Variants in STARD10 observed in about 807,000 individuals in gnomAD.
STARD10 encodes the protein StAR related lipid transfer domain containing 10, also known as START domain-containing protein 10.
STARD10 carries 24 observed loss-of-function variants against 36.0 expected under a neutral mutation model. The ratio of observed to expected loss-of-function variants is 0.67; its 90% CI spans 0.48 to 0.94. The LOEUF (loss-of-function observed/expected upper bound fraction) is 0.94. Ranked by LOEUF, STARD10 falls within the 40% of genes least tolerant of loss-of-function variation. STARD10 has a pLI of 0.00. For missense variants in STARD10, 335 were observed against 396.6 expected, an observed-to-expected ratio of 0.84 and a Z score of 1.32; for synonymous variants, 156 against 161.9, an observed-to-expected ratio of 0.96 and a Z score of 0.28.
chr11:72,767,626 A>C (rs776996543), intron 2 of STARD10, among the ~76,000 whole-genome samples: 30 of 152,180 alleles, frequency 2.0e-4, no homozygotes, highest in Non-Finnish European at 3.4e-4. Context: ...GGCAAAGCTC[A>C]CAGATTCCTC....
chr11:72,754,987 G>A lies in STARD10; in HGVS notation c.786C>T (p.Asn262=). Residue 262 remains asparagine, a synonymous_variant, in exon 7 of 7, where the codon AAC becomes AAT. Coordinates refer to ENST00000334805, the MANE Select transcript of STARD10 (RefSeq NM_006645.3). Reference sequence around the variant, plus strand: ...TCTCGGCCACCGCGCTCTCGTCGATGTTCTCCAGTGAGTCCGCATGCTGCA... The same window carrying A: ...TCTCGGCCACCGCGCTCTCGTCGATATTCTCCAGTGAGTCCGCATGCTGCA... The part of the protein sequence containing the change: ...LSVQHADSLE[N]IDESAVAESR... The A allele has an allele frequency of 1.1e-5, 17 of 1,612,570 alleles. No homozygotes were observed. Among genetic ancestry groups the A allele is most frequent in the Non-Finnish European group, 1.4e-5 (17 of 1,179,708 alleles).
chr11:72,771,591 G>A (rs1858858137), intron 2 of STARD10, among the ~76,000 whole-genome samples: 1 of 152,126 alleles, frequency 6.6e-6, no homozygotes, highest in African/African-American at 2.4e-5. Context: ...AGCAGACTGA[G>A]CTAGGCCTTC....
At chr11:72,760,712 G>C (rs764042109) in intron 2 of STARD10, among the ~76,000 whole-genome samples, 8 of 152,172 alleles carry the variant, frequency 5.3e-5, no homozygotes, top group Non-Finnish European at 1.0e-4. Flanking sequence ...GTAAGTAGCA[G>C]AGCCAGGATT....
chr11:72,784,017 G>A (rs981128050), intron 1 of STARD10, among the ~76,000 whole-genome samples: 1 of 152,206 alleles, frequency 6.6e-6, no homozygotes, highest in African/African-American at 2.4e-5. Flanking sequence ...CCTAGGTTTA[G>A]GCCAGGCTAC....
chr11:72,792,899 C>G lies in STARD10; in HGVS notation c.-138G>C, dbSNP rs1443770546. On this transcript the variant is annotated 5_prime_UTR_variant, in exon 1 of 7. Transcript: ENST00000334805. The stretch of plus-strand genomic sequence containing the variant: ...CCTGAGAAGCAGGGTCTGTACAGCT[C>G]CAGCAACACTCTCCTCTTCCTCCAG... 2 of 152,932 alleles carry G rather than the reference C, an allele frequency of 1.3e-5. No homozygotes were observed. The highest frequency in any genetic ancestry group is 4.8e-5 in the African/African-American group (2 of 41,452). The allele number at this position is 152,932 out of a possible 1,614,324, so 9.5% of individuals were successfully genotyped here.
rs546449444 is a variant in STARD10, at chr11:72,786,764, G to A, written c.-113-5470C>T. On this transcript the variant is annotated intron_variant, in intron 1 of 6. Coordinates refer to ENST00000334805, the MANE Select transcript of STARD10 (RefSeq NM_006645.3). ...CCACACATGGCACCAAAGTGGAGTT[G>A]CCAGATAAAATACAGGACGACAGCC... is the stretch of plus-strand genomic sequence containing the variant. Among the ~76,000 whole-genome samples, 205 of 152,272 alleles carry A rather than the reference G, an allele frequency of 1.3e-3. 2 individuals carry two copies. The highest frequency in any genetic ancestry group is 6.8e-3 in the Middle Eastern group (2 of 294).
At position 72,755,700 on chromosome 11, in the gene STARD10, C is replaced by T. The variant is rs763200063; in HGVS notation, c.630+1G>A. 6 of 1,613,744 alleles carry T rather than the reference C, an allele frequency of 3.7e-6. No homozygotes were observed. Among genetic ancestry groups the T allele is most frequent in the Non-Finnish European group, 4.2e-6 (5 of 1,179,882 alleles). On this transcript the variant is annotated splice_donor_variant, in intron 6 of 6. Coordinates refer to ENST00000334805, the MANE Select transcript of STARD10 (RefSeq NM_006645.3). LOFTEE classifies it high-confidence loss of function. ...CTCCCCAAAATCCCAAGGCCACTCA[C>T]CTTGGGAGCCAGGAACTGAGAAGAT...
rs143249505 is a variant in STARD10 at position 72,771,999 on chromosome 11, C to T, written c.207+8976G>A. On this transcript the variant is annotated intron_variant, in intron 2 of 6. Coordinates refer to ENST00000334805, the MANE Select transcript of STARD10 (RefSeq NM_006645.3). ...GCTTCCGGGATCACCAGTGGACTGA[C>T]GCCCCCAGAGCTCTCCAGTAAAGTT... 2.0e-4 allele frequency among the ~76,000 whole-genome samples: 31 copies of T among 152,308 alleles called. 1 individual carries two copies. The East Asian group carries it at 4.6e-3, about 23-fold the overall frequency.
rs370482708 is a variant in STARD10 at position 72,759,210 on chromosome 11, G to C, written c.355+24C>G. 3 of 1,612,910 alleles carry C rather than the reference G, an allele frequency of 1.9e-6. No individual in the cohort carries two copies. The Admixed American group carries it at 5.0e-5, about 27-fold the overall frequency. On this transcript the variant is annotated intron_variant, in intron 3 of 6. Transcript: ENST00000334805. ...CCTGGATGGAGGCCAAGGGGACTGG[G>C]ATCAGCGTGCTACGCCTGCTCACAG...
At chr11:72,767,640 C>G (rs1858809834) in intron 2 of STARD10, among the ~76,000 whole-genome samples, 2 of 152,202 alleles carry the variant, frequency 1.3e-5, no homozygotes, top group African/African-American at 4.8e-5. Flanking sequence ...ATTCCTCCTC[C>G]AAACAAAGCT....
rs1858677252 is a variant in STARD10 at position 72,758,559 on chromosome 11, T to C, written c.430A>G (p.Ile144Val). 10 of 1,613,848 alleles carry C rather than the reference T, an allele frequency of 6.2e-6. No individual in the cohort carries two copies. The East Asian group carries it at 2.2e-4, about 36-fold the overall frequency. ...RSWLPMGADY[I>V]IMNYSVKHPK... ...TGTTTGACTGAGTAGTTCATAATGATGTAATCAGCGCCCATGGGGAGCCAG... is the reference window on the plus strand; with the variant it reads ...TGTTTGACTGAGTAGTTCATAATGACGTAATCAGCGCCCATGGGGAGCCAG... Residue 144 changes from isoleucine (I) to valine (V), a missense_variant, in exon 4 of 7, where the codon ATC becomes GTC. Ile to Val is a conservative substitution (Grantham distance 29). Coordinates refer to ENST00000334805, the MANE Select transcript of STARD10 (RefSeq NM_006645.3).
chr11:72,784,754 C>T (rs1281717534), intron 1 of STARD10, among the ~76,000 whole-genome samples: 1 of 152,230 alleles, frequency 6.6e-6, no homozygotes, highest in Non-Finnish European at 1.5e-5. Flanking sequence ...TGGCTGCTCT[C>T]TGGGTCCCAG....
intron 2 of STARD10, among the ~76,000 whole-genome samples, chr11:72,762,054 T>C (rs1858725500): frequency 6.6e-6 from 1 of 150,432 alleles, no homozygotes; most frequent in Admixed American, 6.7e-5. Context: ...GCCTCCTGAG[T>C]AGCTGGGATT....
chr11:72,775,768 A>T (rs1479108547), intron 2 of STARD10, among the ~76,000 whole-genome samples: 3 of 152,004 alleles, frequency 2.0e-5, no homozygotes, highest in African/African-American at 7.3e-5. Context: ...CCAAGCAGAA[A>T]GAGGGTAATG....
At chr11:72,772,761 C>T (rs1700069280) in intron 2 of STARD10, among the ~76,000 whole-genome samples, 1 of 152,180 alleles carries the variant, frequency 6.6e-6, no homozygotes, top group Admixed American at 6.5e-5. Flanking sequence ...ACTGTTATCC[C>T]TGAACCCCTG....
At chr11:72,767,346 T>C (rs1430792826) in intron 2 of STARD10, among the ~76,000 whole-genome samples, 1 of 152,196 alleles carries the variant, frequency 6.6e-6, no homozygotes, top group Non-Finnish European at 1.5e-5. Flanking sequence ...CTGCATCCTT[T>C]GCAGATATTG....
rs559771610 is a variant in STARD10, at chr11:72,777,616, G to A, written c.207+3359C>T. ...AGGGACTGAACTGTCAGGAGGTAGTGTCTGTCTCTTTTCCAGTATTCAGAG... is the reference window on the plus strand; with the variant it reads ...AGGGACTGAACTGTCAGGAGGTAGTATCTGTCTCTTTTCCAGTATTCAGAG... On this transcript the variant is annotated intron_variant, in intron 2 of 6. Coordinates refer to ENST00000334805, the MANE Select transcript of STARD10 (RefSeq NM_006645.3). Among the ~76,000 whole-genome samples, 24 of 152,386 alleles carry A rather than the reference G, an allele frequency of 1.6e-4. No homozygotes were observed. The South Asian group carries it at 4.8e-3, about 30-fold the overall frequency.
intron 2 of STARD10, among the ~76,000 whole-genome samples, chr11:72,777,990 G>C (rs1209935611): frequency 3.3e-5 from 5 of 152,300 alleles, no homozygotes; most frequent in Admixed American, 6.5e-5. Context: ...CTGCAGTTGA[G>C]TCCCAGCCTC....
chr11:72,758,982 G>A lies in STARD10; in HGVS notation c.355+252C>T, dbSNP rs549449231. 1.4e-3 allele frequency among the ~76,000 whole-genome samples: 214 copies of A among 152,342 alleles called. 1 individual carries two copies. Among genetic ancestry groups the A allele is most frequent in the African/African-American group, 4.8e-3 (198 of 41,576 alleles). ...TGTGGCATGTGGGTGGGGGCTGTGT[G>A]CCTGATTGAGTGTATGCCTATGTGT... On this transcript the variant is annotated intron_variant, in intron 3 of 6. Coordinates refer to ENST00000334805, the MANE Select transcript of STARD10 (RefSeq NM_006645.3).
Sources: gnomAD v4.1 joint callset for allele counts (sites outside exome capture counted in the v4.1 genomes callset) on GRCh38, gnomAD v4.1.1 for gene constraint, MANE v1.5 for transcripts, NCBI Gene and HGNC (gene_info 2026-07-23, HGNC 2026-07-21) for gene names.